The following ZNF99 variants were observed in gnomAD, a reference collection of about 807,000 sequenced individuals.
ZNF99 encodes the protein zinc finger protein ENSP00000375192.
In ZNF99, 8 loss-of-function variants were observed where a neutral mutation model predicts 12.8. The observed-to-expected ratio is 0.62, with a 90% CI of 0.37 to 1.13. The LOEUF (loss-of-function observed/expected upper bound fraction) is 1.13, where lower values mean the gene tolerates loss of function less well. Among genes scored for constraint, ZNF99 ranks in the 50% most tolerant of loss-of-function variants. The pLI is 0.02. For synonymous variants in ZNF99, 318 were observed against 319.0 expected (o/e 1.00, Z 0.03); for missense variants, 1,007 against 1,006.2 (o/e 1.00, Z -0.01).
Position 22,757,142 on chromosome 19 carries a change from T to C in ZNF99, c.*172A>G. 1 of 1,612,692 alleles carries C rather than the reference T, an allele frequency of 6.2e-7. No individual in the cohort carries two copies. Among genetic ancestry groups the C allele is most frequent in the African/African-American group, 1.3e-5 (1 of 74,860 alleles). ...ACATTTGTAGGGCTTCTCCCCAGTA[T>C]GAACTGCTTTATGTCTAGTAAGGTG... On this transcript the variant is annotated 3_prime_UTR_variant, in exon 4 of 4. Coordinates refer to ENST00000596209, the MANE Select transcript of ZNF99 (RefSeq NM_001080409.3).
At position 22,757,077 on chromosome 19, in the gene ZNF99, T is replaced by A; in HGVS notation, c.*237A>T. On this transcript the variant is annotated 3_prime_UTR_variant, in exon 4 of 4. Transcript: ENST00000596209. The stretch of plus-strand genomic sequence containing the variant: ...CTAGTATGAATTAGCTTATGTTTCT[T>A]AAGGGTTGAGGAATTGTTAAAAGCT... 1 of 1,613,022 alleles carries A rather than the reference T, an allele frequency of 6.2e-7. No homozygotes were observed. Among genetic ancestry groups the A allele is most frequent in the Non-Finnish European group, 8.5e-7 (1 of 1,179,318 alleles).
At chr19:22,783,789 G>A (rs1402280593) in intron 1 of ZNF99, among the ~76,000 whole-genome samples, 3 of 152,136 alleles carry the variant, frequency 2.0e-5, no homozygotes, top group Non-Finnish European at 2.9e-5. Context: ...AGGGCTCCAG[G>A]CCAGGGCATA....
At chr19:22,762,985 C>G (rs1339726432) in intron 3 of ZNF99, among the ~76,000 whole-genome samples, 1 of 152,078 alleles carries the variant, frequency 6.6e-6, no homozygotes, top group African/African-American at 2.4e-5. Flanking sequence ...GGACATACAT[C>G]AAGATAATAA....
rs188689841 is a variant in ZNF99, at chr19:22,780,646, G to A, written c.3+3368C>T. Reference sequence around the variant, plus strand: ...GCAGAGGTTACAGTCAGCCAAGATCGTGCCATTGCACTCCAGCCTGGGCAA... The same window carrying A: ...GCAGAGGTTACAGTCAGCCAAGATCATGCCATTGCACTCCAGCCTGGGCAA... On this transcript the variant is annotated intron_variant, in intron 1 of 3. Transcript: ENST00000596209. Among the ~76,000 whole-genome samples the A allele has an allele frequency of 1.3e-4, 19 of 150,490 alleles. 1 individual carries two copies. The highest frequency in any genetic ancestry group is 6.3e-4 in the South Asian group (3 of 4,796).
In ZNF99 at chr19:22,771,546, G is replaced by A. The variant is rs1973270919; in HGVS notation, c.4-2222C>T. Among the ~76,000 whole-genome samples, 7 of 150,634 alleles carry A rather than the reference G, an allele frequency of 4.6e-5. No homozygotes were observed. In the South Asian group the frequency reaches 1.3e-3, roughly 27 times the overall value. On this transcript the variant is annotated intron_variant, in intron 1 of 3. Transcript: ENST00000596209. Reference sequence around the variant, plus strand: ...CTGGGATTACAGGCGTGAGCCACCGGGCCCAGCTAAAAAGCATTTTCTTAA... The same window carrying A: ...CTGGGATTACAGGCGTGAGCCACCGAGCCCAGCTAAAAAGCATTTTCTTAA...
chr19:22,783,990 G>A (rs1433842259), intron 1 of ZNF99, 24 bp downstream of exon 1: 1 of 1,613,826 alleles, frequency 6.2e-7, no homozygotes, highest in Non-Finnish European at 8.5e-7. Flanking sequence ...CCCCTTCTCA[G>A]GATATCGGAC....
At position 22,758,996 on chromosome 19, in the gene ZNF99, C is replaced by T; in HGVS notation, c.913G>A (p.Ala305Thr). 8 of 1,611,168 alleles carry T rather than the reference C, an allele frequency of 5.0e-6. No homozygotes were observed. Among genetic ancestry groups the T allele is most frequent in the Non-Finnish European group, 5.9e-6 (7 of 1,179,200 alleles). The change falls in exon 4 of 4, where the codon GCA becomes ACA. Residue 305 changes from alanine (A) to threonine (T), a missense_variant. Physicochemically the swap from Ala to Thr is moderately conservative, Grantham distance 58. Transcript: ENST00000596209. ...KQSSHLTRHKAIHTGEKPYKC... is the reference protein window; with the variant it reads ...KQSSHLTRHKTIHTGEKPYKC... Reference sequence around the variant, plus strand: ...TAGGGTTTCTCTCCAGTATGAATTGCTTTATGTCTAGTAAGGTGTGAGGAT... The same window carrying T: ...TAGGGTTTCTCTCCAGTATGAATTGTTTTATGTCTAGTAAGGTGTGAGGAT...
At chr19:22,773,578 T>C (rs536596232) in intron 1 of ZNF99, among the ~76,000 whole-genome samples, 1 of 152,286 alleles carries the variant, frequency 6.6e-6, no homozygotes, top group Admixed American at 6.5e-5. Context: ...TGAAAGGAGG[T>C]AATTTTGCAA....
At chr19:22,765,090 C>T (rs1357977075) in intron 3 of ZNF99, among the ~76,000 whole-genome samples, 1 of 152,078 alleles carries the variant, frequency 6.6e-6, no homozygotes, top group Non-Finnish European at 1.5e-5. Flanking sequence ...ACCCAAATGC[C>T]CATTAACCAA....
intron 1 of ZNF99, among the ~76,000 whole-genome samples, chr19:22,781,934 A>C (rs1320753241): frequency 6.6e-6 from 1 of 152,150 alleles, no homozygotes; most frequent in East Asian, 1.9e-4. Context: ...ATTCTGCTAA[A>C]ATCTGTGGAG....
chr19:22,775,961 G>T (rs1196031702), intron 1 of ZNF99, among the ~76,000 whole-genome samples: 2 of 152,162 alleles, frequency 1.3e-5, no homozygotes, highest in Non-Finnish European at 1.5e-5. Context: ...GGCAGAGGTT[G>T]CAGTGTGCCG....
chr19:22,777,121 C>T (rs1973338512), intron 1 of ZNF99, among the ~76,000 whole-genome samples: 1 of 152,118 alleles, frequency 6.6e-6, no homozygotes, highest in South Asian at 2.1e-4. Flanking sequence ...CACTGTACTC[C>T]AGCCTGGGTG....
Position 22,757,729 on chromosome 19 carries a change from T to C in ZNF99, c.2180A>G (p.His727Arg). ...SSTLRKHEII[H>R]TGEKPYKCEE... is the part of the protein sequence containing the mutation. ...ACATTTGTAGGGTTTCTCTCCAGTA[T>C]GAATTATCTCATGTTTTCTAAGAGT... Residue 727 changes from histidine to arginine, a missense_variant, in exon 4 of 4, where the codon CAT (histidine) becomes CGT (arginine). Physicochemically the swap from His to Arg is conservative, Grantham distance 29. Coordinates refer to ENST00000596209, the MANE Select transcript of ZNF99 (RefSeq NM_001080409.3). 2 of 1,612,372 alleles carry C rather than the reference T, an allele frequency of 1.2e-6. No individual in the cohort carries two copies. The highest frequency in any genetic ancestry group is 1.7e-6 in the Non-Finnish European group (2 of 1,179,666).
At position 22,757,857 on chromosome 19, in the gene ZNF99, C is replaced by T. The variant is rs59621958; in HGVS notation, c.2052G>A (p.Lys684=). The T allele has an allele frequency of 0.14, 209,442 of 1,549,692 alleles. 16,267 individuals are homozygous for T. Among genetic ancestry groups the T allele is most frequent in the African/African-American group, 0.4 (27,834 of 68,830 alleles). The part of the protein sequence containing the change: ...EKPYKCEECG[K]AFNHFSALRK... ...TAAGGGCTGAGAAATGGTTAAAAGCCTTGCCACATTCTTCACATTTGTAGG... is the reference window on the plus strand; with the variant it reads ...TAAGGGCTGAGAAATGGTTAAAAGCTTTGCCACATTCTTCACATTTGTAGG... Residue 684 remains lysine (K), a synonymous_variant, in exon 4 of 4, where the codon AAG becomes AAA. Coordinates refer to ENST00000596209, the MANE Select transcript of ZNF99 (RefSeq NM_001080409.3).
intron 3 of ZNF99, 48 bp from the exon 4 acceptor site, chr19:22,759,730 G>T: frequency 7.5e-7 from 1 of 1,328,252 alleles, no homozygotes; most frequent in South Asian, 1.7e-5. Flanking sequence ...AGACTCAGAT[G>T]AATATACTTT....
chr19:22,762,214 A>G (rs1474756722), intron 3 of ZNF99, among the ~76,000 whole-genome samples: 1 of 152,134 alleles, frequency 6.6e-6, no homozygotes, highest in African/African-American at 2.4e-5. Context: ...TGGCTCTTTA[A>G]AACGCATAAA....
At chr19:22,781,545 CTG>C (rs1390545365) in intron 1 of ZNF99, among the ~76,000 whole-genome samples, 7 of 150,680 alleles carry the variant, frequency 4.6e-5, no homozygotes, top group African/African-American at 1.7e-4. Flanking sequence ...GAAATTATTT[CTG>C]TGTTTTCCCC....
rs772730578 is a variant in ZNF99 at position 22,784,033 on chromosome 19, G to T, written c.-17C>A. ...TCTCACCATTTCTAAGCTTCCAGGG[G>T]GTCCTGGCGTCCTAGCTGTGGATCT... On this transcript the variant is annotated 5_prime_UTR_variant, in exon 1 of 4. Coordinates refer to ENST00000596209, the MANE Select transcript of ZNF99 (RefSeq NM_001080409.3). 1 of 1,613,548 alleles carries T rather than the reference G, an allele frequency of 6.2e-7. No homozygotes were observed. Among genetic ancestry groups the T allele is most frequent in the Non-Finnish European group, 8.5e-7 (1 of 1,179,862 alleles).
At chr19:22,769,925 G>A (rs563845878) in intron 1 of ZNF99, 2 of 1,361,166 alleles carry the variant, frequency 1.5e-6, no homozygotes, top group Admixed American at 3.9e-5. Context: ...ACATTTTTGA[G>A]TGCTATTTTT....
Sources: allele counts gnomAD v4.1 joint callset (sites outside exome capture counted in the v4.1 genomes callset), GRCh38; gene constraint gnomAD v4.1.1; transcripts MANE v1.5; gene names NCBI Gene and HGNC (gene_info 2026-07-23, HGNC 2026-07-21).